The following SDCCAG8 variants were observed in gnomAD, a reference collection of about 807,000 sequenced individuals.
The protein encoded by SDCCAG8 is serologically defined colon cancer antigen 8.
SDCCAG8 carries 74 observed loss-of-function variants against 101.8 expected under a neutral mutation model. The observed-to-expected ratio is 0.73, with a 90% CI of 0.60 to 0.88. The LOEUF is 0.88. Among genes scored for constraint, SDCCAG8 ranks in the 40% least tolerant of loss-of-function variants. SDCCAG8 has a pLI of 0.00. For synonymous variants in SDCCAG8, 281 were observed against 292.9 expected (o/e 0.96, Z 0.41); for missense variants, 787 against 822.6 (o/e 0.96, Z 0.53).
intron 16 of SDCCAG8, among the ~76,000 whole-genome samples, chr1:243,428,120 A>G (rs2081464044): frequency 6.6e-6 from 1 of 152,236 alleles, no homozygotes; most frequent in African/African-American, 2.4e-5. Context: ...TAGAGTTCCT[A>G]GAATGCTCTC....
At chr1:243,389,130 G>A (rs1470962072) in intron 13 of SDCCAG8, among the ~76,000 whole-genome samples, 1 of 151,286 alleles carries the variant, frequency 6.6e-6, no homozygotes, top group Non-Finnish European at 1.5e-5. Flanking sequence ...CTGGGCGACA[G>A]AGCGAGACTC....
intron 4 of SDCCAG8, among the ~76,000 whole-genome samples, chr1:243,284,652 C>T (rs899451149): frequency 1.3e-5 from 2 of 152,064 alleles, no homozygotes; most frequent in African/African-American, 2.4e-5. Flanking sequence ...TTTTTTAGGC[C>T]GGTTAGGTGG....
intron 6 of SDCCAG8, among the ~76,000 whole-genome samples, chr1:243,298,795 G>A (rs1293461230): frequency 2.0e-5 from 3 of 152,082 alleles, no homozygotes; most frequent in African/African-American, 7.2e-5. Flanking sequence ...ATATATTTGG[G>A]TCTATTACTG....
At chr1:243,447,319 C>T (rs1035887954) in intron 16 of SDCCAG8, among the ~76,000 whole-genome samples, 1 of 146,020 alleles carries the variant, frequency 6.8e-6, no homozygotes, top group African/African-American at 2.5e-5. Flanking sequence ...TATTAAGTCT[C>T]ATCGCTAAAT....
chr1:243,393,154 C>G (rs2078809090), intron 13 of SDCCAG8, among the ~76,000 whole-genome samples: 1 of 152,056 alleles, frequency 6.6e-6, no homozygotes, highest in South Asian at 2.1e-4. Context: ...TACAAACAAC[C>G]CTGCACTTGT....
intron 16 of SDCCAG8, chr1:243,475,959 G>A (rs190111222): frequency 1.9e-5 from 19 of 985,232 alleles, no homozygotes; most frequent in Middle Eastern, 1.0e-3. Flanking sequence ...GCTCCATCTC[G>A]TCTGCTGCTG....
chr1:243,446,611 G>A (rs976329900), intron 16 of SDCCAG8, among the ~76,000 whole-genome samples: 12 of 152,118 alleles, frequency 7.9e-5, no homozygotes, highest in Non-Finnish European at 1.5e-4. Flanking sequence ...AGAAGAAAGG[G>A]AACTTTATCT....
At chr1:243,466,007 T>G (rs1294229820) in intron 16 of SDCCAG8, among the ~76,000 whole-genome samples, 1 of 152,242 alleles carries the variant, frequency 6.6e-6, no homozygotes, top group Non-Finnish European at 1.5e-5. Flanking sequence ...TTAGTGGGGC[T>G]GGCTAATTTC....
At chr1:243,392,778 T>G (rs1440335199) in intron 13 of SDCCAG8, among the ~76,000 whole-genome samples, 1 of 152,206 alleles carries the variant, frequency 6.6e-6, no homozygotes, top group African/African-American at 2.4e-5. Flanking sequence ...TGCTTTTCAT[T>G]AAATGCAGGA....
At chr1:243,430,690 G>A (rs1245993013) in intron 16 of SDCCAG8, among the ~76,000 whole-genome samples, 1 of 151,798 alleles carries the variant, frequency 6.6e-6, no homozygotes, top group East Asian at 2.0e-4. Context: ...CGCCAGCCTC[G>A]GCCTCCCAAA....
intron 17 of SDCCAG8, among the ~76,000 whole-genome samples, chr1:243,490,656 C>T (rs1000563391): frequency 3.3e-5 from 5 of 152,232 alleles, no homozygotes; most frequent in South Asian, 2.1e-4. Flanking sequence ...TGAGTGCAGG[C>T]GGGATGCCCC....
chr1:243,319,706 C>T (rs2073585624), intron 9 of SDCCAG8, among the ~76,000 whole-genome samples: 1 of 152,052 alleles, frequency 6.6e-6, no homozygotes, highest in Non-Finnish European at 1.5e-5. Flanking sequence ...GATCCTTTTC[C>T]TCTTCATTCT....
At chr1:243,347,854 C>T (rs537588818) in intron 12 of SDCCAG8, among the ~76,000 whole-genome samples, 9 of 152,132 alleles carry the variant, frequency 5.9e-5, no homozygotes, top group African/African-American at 1.4e-4. Flanking sequence ...TCTTTATAGC[C>T]GCTAACCTTT....
intron 16 of SDCCAG8, among the ~76,000 whole-genome samples, chr1:243,482,268 T>A (rs958204215): frequency 2.0e-5 from 3 of 152,214 alleles, no homozygotes; most frequent in African/African-American, 7.2e-5. Flanking sequence ...CATATTTTTT[T>A]AAATGCTGGT....
At position 243,267,902 on chromosome 1, in the gene SDCCAG8, G is replaced by T. The variant is rs567223514; in HGVS notation, c.68-2203G>T. 51 of 1,067,900 alleles carry T rather than the reference G, an allele frequency of 4.8e-5. No homozygotes were observed. The South Asian group carries it at 6.0e-4, about 13-fold the overall frequency. The allele number at this position is 1,067,900 out of a possible 1,614,324, so 66.2% of individuals were successfully genotyped here. On this transcript the variant is annotated intron_variant, in intron 1 of 17. Transcript: ENST00000366541. ...TTTTATGGAAAAGTTGATAAAGTTG[G>T]TATCAACGAGGATGTGGTAAGGTGG...
chr1:243,274,243 C>T (rs550062376), intron 3 of SDCCAG8, among the ~76,000 whole-genome samples: 1 of 152,244 alleles, frequency 6.6e-6, no homozygotes, highest in African/African-American at 2.4e-5. Flanking sequence ...AAACTCAGAG[C>T]AAGAACTCAT....
intron 13 of SDCCAG8, among the ~76,000 whole-genome samples, chr1:243,405,017 C>T (rs893111049): frequency 6.6e-6 from 1 of 152,012 alleles, no homozygotes; most frequent in Non-Finnish European, 1.5e-5. Flanking sequence ...CAGGCATGCA[C>T]ACCATGCCCA....
intron 7 of SDCCAG8, among the ~76,000 whole-genome samples, chr1:243,306,931 A>C (rs2072194357): frequency 6.6e-6 from 1 of 152,202 alleles, no homozygotes; most frequent in Admixed American, 6.5e-5. Flanking sequence ...CCTCTGTGAC[A>C]GTGAGCCAGT....
chr1:243,499,786 C>T lies in SDCCAG8; in HGVS notation c.*1C>T, dbSNP rs758064710. 1.2e-6 allele frequency: 2 copies of T among 1,612,550 alleles called. No homozygotes were observed. The highest frequency in any genetic ancestry group is 4.5e-5 in the East Asian group (2 of 44,882). On this transcript the variant is annotated 3_prime_UTR_variant, in exon 18 of 18. Transcript: ENST00000366541. The stretch of plus-strand genomic sequence containing the variant: ...CAGCATGCCACAATCTGATTGCTGA[C>T]CTGGATGGAACAGAGTGAAATAAAT...
Sources: allele counts gnomAD v4.1 joint callset (sites outside exome capture counted in the v4.1 genomes callset), GRCh38; gene constraint gnomAD v4.1.1; transcripts MANE v1.5; gene names NCBI Gene and HGNC (gene_info 2026-07-23, HGNC 2026-07-21).